The following PLXNA4 variants were observed in gnomAD, a reference collection of about 807,000 sequenced individuals.
PLXNA4 encodes the protein plexin A4.
In PLXNA4, 44 loss-of-function variants were observed where a neutral mutation model predicts 191.8. The observed-to-expected ratio is 0.23, with a 90% CI of 0.18 to 0.29. PLXNA4 has a LOEUF of 0.29. PLXNA4 is among the 10% of genes least tolerant of loss of function. The pLI, the probability that PLXNA4 is intolerant of heterozygous loss-of-function variation, is 1.00. For synonymous variants in PLXNA4, 1,082 were observed against 1,009.5 expected (o/e 1.07, Z -1.36); for missense variants, 1,800 against 2,488.8 (o/e 0.72, Z 5.89).
At chr7:132,568,506 G>A (rs1563180113) in intron 1 of PLXNA4, among the ~76,000 whole-genome samples, 1 of 152,122 alleles carries the variant, frequency 6.6e-6, no homozygotes, top group Non-Finnish European at 1.5e-5. Context: ...TTCTTTGCAT[G>A]GAAACCATTA....
At chr7:132,614,200 T>G (rs1803108128) in intron 2 of PLXNA4, among the ~76,000 whole-genome samples, 1 of 152,262 alleles carries the variant, frequency 6.6e-6, no homozygotes, top group Non-Finnish European at 1.5e-5. Context: ...ATTCAATATT[T>G]TGGATATCCA....
intron 3 of PLXNA4, among the ~76,000 whole-genome samples, chr7:132,443,364 T>G (rs902371865): frequency 6.6e-6 from 1 of 152,204 alleles, no homozygotes; most frequent in Non-Finnish European, 1.5e-5. Flanking sequence ...GAGAGAGCAG[T>G]CGCACTGCCT....
At chr7:132,385,249 G>T in intron 3 of PLXNA4, 2 of 1,613,984 alleles carry the variant, frequency 1.2e-6, no homozygotes, top group East Asian at 2.2e-5. Context: ...GTGGGATCGG[G>T]GTCCCGTCTG....
At chr7:132,611,763 C>T (rs1258630831) in intron 2 of PLXNA4, among the ~76,000 whole-genome samples, 1 of 152,120 alleles carries the variant, frequency 6.6e-6, no homozygotes, top group Non-Finnish European at 1.5e-5. Flanking sequence ...TAGAAAGGGC[C>T]CTGGACCTTC....
At chr7:132,482,399 C>T (rs987156054) in intron 3 of PLXNA4, among the ~76,000 whole-genome samples, 1 of 152,144 alleles carries the variant, frequency 6.6e-6, no homozygotes. Context: ...AGGGATCTCT[C>T]AAGTGAGGAC....
intron 3 of PLXNA4, among the ~76,000 whole-genome samples, chr7:132,336,170 T>C (rs1341800300): frequency 1.3e-5 from 2 of 152,218 alleles, no homozygotes; most frequent in East Asian, 3.8e-4. Flanking sequence ...CTCTAAGTAT[T>C]CTAGTCCACA....
chr7:132,155,754 A>G (rs1795772757), intron 25 of PLXNA4, among the ~76,000 whole-genome samples: 1 of 152,172 alleles, frequency 6.6e-6, no homozygotes, highest in African/African-American at 2.4e-5. Flanking sequence ...GGTTTCTGGG[A>G]TAGTTAATTC....
At chr7:132,358,310 G>T (rs935466878) in intron 3 of PLXNA4, among the ~76,000 whole-genome samples, 2 of 152,216 alleles carry the variant, frequency 1.3e-5, no homozygotes, top group African/African-American at 4.8e-5. Context: ...GGAGGTTCAA[G>T]TTCACTTGTC....
At chr7:132,456,764 G>A (rs1796329653) in intron 3 of PLXNA4, among the ~76,000 whole-genome samples, 1 of 152,146 alleles carries the variant, frequency 6.6e-6, no homozygotes, top group Admixed American at 6.5e-5. Context: ...CTGAGGGCAG[G>A]GCTCCCTCTC....
intron 1 of PLXNA4, among the ~76,000 whole-genome samples, chr7:132,542,396 C>A (rs999034633): frequency 6.6e-6 from 1 of 152,096 alleles, no homozygotes; most frequent in Non-Finnish European, 1.5e-5. Flanking sequence ...GGTACAGATG[C>A]AAGAAAATTA....
chr7:132,205,348 A>C (rs1371439145), intron 10 of PLXNA4, among the ~76,000 whole-genome samples: 1 of 152,198 alleles, frequency 6.6e-6, no homozygotes, highest in African/African-American at 2.4e-5. Context: ...ATCTCTAAAG[A>C]TGAGGAGCAT....
intron 3 of PLXNA4, among the ~76,000 whole-genome samples, chr7:132,488,093 T>C (rs1468058950): frequency 1.3e-5 from 2 of 152,166 alleles, no homozygotes; most frequent in African/African-American, 4.8e-5. Flanking sequence ...TACCATGGTG[T>C]TTCCCCAGTG....
intron 1 of PLXNA4, among the ~76,000 whole-genome samples, chr7:132,545,302 G>A (rs1415112320): frequency 6.6e-6 from 1 of 152,150 alleles, no homozygotes; most frequent in Non-Finnish European, 1.5e-5. Context: ...GTAGAGGCCT[G>A]GGAAACCTAT....
intron 30 of PLXNA4, among the ~76,000 whole-genome samples, chr7:132,136,713 C>T (rs980685893): frequency 6.6e-6 from 1 of 152,206 alleles, no homozygotes; most frequent in Non-Finnish European, 1.5e-5. Context: ...TTTAGGTTAG[C>T]TCTGTAGTGA....
At chr7:132,160,347 G>A (rs1275171736) in intron 24 of PLXNA4, among the ~76,000 whole-genome samples, 1 of 152,222 alleles carries the variant, frequency 6.6e-6, no homozygotes, top group Non-Finnish European at 1.5e-5. Flanking sequence ...CGACTGCATA[G>A]TTCAGGGCCT....
At chr7:132,433,470 G>A (rs891430984) in intron 3 of PLXNA4, among the ~76,000 whole-genome samples, 3 of 152,132 alleles carry the variant, frequency 2.0e-5, no homozygotes, top group African/African-American at 7.2e-5. Flanking sequence ...TGTGGCCACG[G>A]CCACAGCAGA....
chr7:132,172,660 C>G (rs73723715), intron 21 of PLXNA4, among the ~76,000 whole-genome samples: 1 of 152,174 alleles, frequency 6.6e-6, no homozygotes, highest in East Asian at 1.9e-4. Context: ...TCTCACATAG[C>G]CCCCGGCTAA....
At chr7:132,461,545 A>G (rs1181517063) in intron 3 of PLXNA4, among the ~76,000 whole-genome samples, 4 of 152,242 alleles carry the variant, frequency 2.6e-5, no homozygotes, top group African/African-American at 9.6e-5. Context: ...TCCTGCATTG[A>G]AAACTGGAGG....
chr7:132,259,412 G>A (rs113330897), intron 4 of PLXNA4, among the ~76,000 whole-genome samples: 5,357 of 104,008 alleles, frequency 0.052, 325 homozygotes, highest in Admixed American at 0.23. Flanking sequence ...CTCCAGCCTG[G>A]GCAACAAGAG....
Sources: gnomAD v4.1 joint callset for allele counts (sites outside exome capture counted in the v4.1 genomes callset) on GRCh38, gnomAD v4.1.1 for gene constraint, MANE v1.5 for transcripts, NCBI Gene and HGNC (gene_info 2026-07-23, HGNC 2026-07-21) for gene names.